Variants in FHIT observed in about 807,000 individuals in gnomAD.
FHIT encodes fragile histidine triad diadenosine triphosphatase.
In FHIT, 19 loss-of-function variants were observed where a neutral mutation model predicts 17.9. The ratio of observed to expected loss-of-function variants is 1.06; its 90% CI spans 0.74 to 1.56. The LOEUF (loss-of-function observed/expected upper bound fraction) is 1.56, where lower values mean the gene tolerates loss of function less well. Among genes scored for constraint, FHIT ranks in the 40% most tolerant of loss-of-function variants. The pLI is 0.00. For missense variants in FHIT, 248 were observed against 189.2 expected (o/e 1.31, Z -1.82); for synonymous variants, 81 against 69.7 (o/e 1.16, Z -0.81).
At chr3:60,638,442 T>C (rs782359724) in intron 4 of FHIT, among the ~76,000 whole-genome samples, 24 of 152,200 alleles carry the variant, frequency 1.6e-4, no homozygotes, top group Non-Finnish European at 3.4e-4. Context: ...CAATCCTAAC[T>C]TAACTAAATG....
intron 5 of FHIT, among the ~76,000 whole-genome samples, chr3:60,039,730 A>G (rs1701360202): frequency 6.6e-6 from 1 of 152,242 alleles, no homozygotes. Flanking sequence ...CACTGGGAAG[A>G]TGATGGTGGA....
chr3:60,984,620 G>A (rs922187477), intron 3 of FHIT, among the ~76,000 whole-genome samples: 8 of 152,158 alleles, frequency 5.3e-5, no homozygotes, highest in Non-Finnish European at 8.8e-5. Context: ...ATAAAACACT[G>A]CCCCTTTCCC....
chr3:61,149,218 G>A (rs1007919152), intron 2 of FHIT, among the ~76,000 whole-genome samples: 2 of 152,088 alleles, frequency 1.3e-5, no homozygotes, highest in Non-Finnish European at 2.9e-5. Flanking sequence ...GTAATAGATG[G>A]TATTTCCATG....
intron 2 of FHIT, among the ~76,000 whole-genome samples, chr3:61,156,725 T>C (rs1413230220): frequency 1.3e-5 from 2 of 152,246 alleles, no homozygotes; most frequent in Non-Finnish European, 2.9e-5. Flanking sequence ...CCAGTTCAGT[T>C]TAATATCCAC....
At chr3:59,785,789 G>A (rs17361653) in intron 8 of FHIT, among the ~76,000 whole-genome samples, 72,667 of 152,012 alleles carry the variant, frequency 0.48, 17,638 homozygotes, top group Non-Finnish European at 0.51. Flanking sequence ...TATGCCAGAC[G>A]TCCTTCAGCC....
intron 5 of FHIT, among the ~76,000 whole-genome samples, chr3:60,281,153 AG>A (rs1707430995): frequency 7.3e-6 from 1 of 137,884 alleles, no homozygotes. Flanking sequence ...ATATATGTAC[AG>A]GATCTGTAAG....
At chr3:60,756,620 A>G (rs1553718352) in intron 4 of FHIT, among the ~76,000 whole-genome samples, 1 of 152,186 alleles carries the variant, frequency 6.6e-6, no homozygotes. Flanking sequence ...GGAAAAAAGG[A>G]GGATTTGAGC....
At chr3:59,926,061 G>A (rs757436472) in intron 7 of FHIT, among the ~76,000 whole-genome samples, 7 of 152,344 alleles carry the variant, frequency 4.6e-5, no homozygotes, top group Non-Finnish European at 1.0e-4. Flanking sequence ...GCTAGGGGTT[G>A]CAGTTGAGCT....
At chr3:60,428,535 G>C (rs59675384) in intron 5 of FHIT, among the ~76,000 whole-genome samples, 48 of 152,208 alleles carry the variant, frequency 3.2e-4, no homozygotes, top group African/African-American at 1.1e-3. Flanking sequence ...TAGCAATATT[G>C]CTTGTTTATC....
chr3:59,980,269 T>TCA (rs1341271081), intron 7 of FHIT, among the ~76,000 whole-genome samples: 4 of 152,300 alleles, frequency 2.6e-5, no homozygotes, highest in Admixed American at 1.3e-4. Flanking sequence ...AGGCAGATAC[T>TCA]CACTTCAGGC....
intron 5 of FHIT, among the ~76,000 whole-genome samples, chr3:60,362,361 T>C (rs112052066): frequency 1.3e-5 from 2 of 152,218 alleles, no homozygotes; most frequent in Non-Finnish European, 2.9e-5. Flanking sequence ...AGCTAAAAGC[T>C]TATCAAACAT....
At chr3:59,837,478 C>T (rs997390360) in intron 8 of FHIT, among the ~76,000 whole-genome samples, 6 of 151,992 alleles carry the variant, frequency 3.9e-5, no homozygotes, top group Non-Finnish European at 8.8e-5. Flanking sequence ...CAATTCCCCC[C>T]ACCCCCCAAA....
At chr3:60,252,867 G>C (rs6768904) in intron 5 of FHIT, among the ~76,000 whole-genome samples, 1 of 151,660 alleles carries the variant, frequency 6.6e-6, no homozygotes, top group Non-Finnish European at 1.5e-5. Flanking sequence ...GCGTGGTGGC[G>C]GGTGCCTGTA....
At chr3:60,729,121 G>A (rs2041976324) in intron 4 of FHIT, among the ~76,000 whole-genome samples, 1 of 152,208 alleles carries the variant, frequency 6.6e-6, no homozygotes, top group Non-Finnish European at 1.5e-5. Flanking sequence ...TGGTTAAACA[G>A]TGGCCCGAAG....
At chr3:60,012,257 T>G (rs1208903655) in intron 6 of FHIT, among the ~76,000 whole-genome samples, 1 of 140,064 alleles carries the variant, frequency 7.1e-6, no homozygotes, top group Non-Finnish European at 1.5e-5. Flanking sequence ...ATCAGGTGTT[T>G]TTTTTGTTGT....
intron 5 of FHIT, among the ~76,000 whole-genome samples, chr3:60,491,036 AG>A (rs1199142040): frequency 4.6e-5 from 7 of 152,210 alleles, no homozygotes; most frequent in African/African-American, 1.4e-4. Context: ...TAACCCAAAA[AG>A]TATATGTTGC....
At chr3:60,299,801 T>A (rs554046867) in intron 5 of FHIT, among the ~76,000 whole-genome samples, 134 of 152,184 alleles carry the variant, frequency 8.8e-4, no homozygotes, top group South Asian at 3.3e-3. Flanking sequence ...ACGATAGTAG[T>A]TTTGGCTCCC....
intron 3 of FHIT, among the ~76,000 whole-genome samples, chr3:60,935,631 G>T (rs1553772895): frequency 1.3e-5 from 2 of 152,200 alleles, no homozygotes. Flanking sequence ...GAAGACAAGG[G>T]TGCATCCGTC....
intron 3 of FHIT, among the ~76,000 whole-genome samples, chr3:60,992,637 G>A (rs1425244562): frequency 6.6e-6 from 1 of 152,340 alleles, no homozygotes; most frequent in African/African-American, 2.4e-5. Flanking sequence ...CAATGGGGAA[G>A]TGTGTTAAAC....
Sources: allele counts gnomAD v4.1 joint callset (sites outside exome capture counted in the v4.1 genomes callset), GRCh38; gene constraint gnomAD v4.1.1; transcripts MANE v1.5; gene names NCBI Gene and HGNC (gene_info 2026-07-23, HGNC 2026-07-21).